The following SPATA9 variants were observed in gnomAD, a reference collection of about 807,000 sequenced individuals.
SPATA9 encodes the protein spermatogenesis-associated protein 9.
A neutral mutation model predicts 25.5 loss-of-function variants in SPATA9; 27 were observed. That is an observed-to-expected ratio of 1.06 (90% CI 0.78 to 1.46). The LOEUF (loss-of-function observed/expected upper bound fraction) is 1.46, where lower values mean the gene tolerates loss of function less well. SPATA9 is among the 40% of genes most tolerant of loss of function. SPATA9 has a pLI of 0.00. For synonymous variants in SPATA9, 102 were observed against 105.7 expected (o/e 0.97, Z 0.21); for missense variants, 282 against 297.5 (o/e 0.95, Z 0.38).
chr5:95,722,521 C>T, the SPATA9 span, among the ~76,000 whole-genome samples: 8 of 151,842 alleles, frequency 5.3e-5, no homozygotes, highest in African/African-American at 1.5e-4. Context: ...GATGGAGTCT[C>T]GCTCTGTCAC....
chr5:95,676,011 C>T (rs562939673), intron 2 of SPATA9, among the ~76,000 whole-genome samples: 26 of 151,892 alleles, frequency 1.7e-4, no homozygotes, highest in African/African-American at 6.0e-4. Context: ...TAGTATAGAC[C>T]GAGTTTCACC....
chr5:95,731,952 C>A, the SPATA9 span: 2 of 1,614,146 alleles, frequency 1.2e-6, no homozygotes, highest in African/African-American at 1.3e-5. Flanking sequence ...TGGGGAGAAG[C>A]CCTCTGGTCT....
chr5:95,703,950 A>G, the SPATA9 span, among the ~76,000 whole-genome samples: 1 of 152,132 alleles, frequency 6.6e-6, no homozygotes, highest in African/African-American at 2.4e-5. Flanking sequence ...TTATACCACA[A>G]TCATCCCCTT....
chr5:95,695,469 G>A (rs6879292), intron 1 of SPATA9, among the ~76,000 whole-genome samples: 7 of 151,960 alleles, frequency 4.6e-5, no homozygotes, highest in Non-Finnish European at 8.8e-5. Flanking sequence ...GTGGTGGCAC[G>A]CACCTGCACT....
chr5:95,700,995 A>G (rs1754169490), upstream of SPATA9, among the ~76,000 whole-genome samples: 1 of 152,218 alleles, frequency 6.6e-6, no homozygotes, highest in South Asian at 2.1e-4. Flanking sequence ...TTTGTAGTTT[A>G]CTGATACTCC....
upstream of SPATA9, among the ~76,000 whole-genome samples, chr5:95,686,518 T>A (rs916047331): frequency 6.6e-6 from 1 of 152,170 alleles, no homozygotes; most frequent in Non-Finnish European, 1.5e-5. Flanking sequence ...GTTTATGACA[T>A]GAATTGAAAG....
At chr5:95,700,303 AT>A (rs1020274200), upstream of SPATA9, among the ~76,000 whole-genome samples, 22 of 148,284 alleles carry the variant, frequency 1.5e-4, no homozygotes, top group East Asian at 3.9e-4. Context: ...TTTAAAAAAA[AT>A]TTTTTTTTTT....
Position 95,682,534 on chromosome 5 carries a change from A to C in SPATA9, c.144T>G (p.Ser48=), listed in dbSNP as rs747997903. 1 of 1,599,674 alleles carries C rather than the reference A, an allele frequency of 6.3e-7. No individual in the cohort carries two copies. The highest frequency in any genetic ancestry group is 8.6e-7 in the Non-Finnish European group (1 of 1,168,032). The change falls in exon 2 of 5, where the codon TCT becomes TCG. Residue 48 remains serine, a synonymous_variant. Transcript: ENST00000274432. Reference sequence around the variant, plus strand: ...GGTTATAAAATCACATTACCTGATTAGACTGTGATAATCTTAGGATGGTGG... The same window carrying C: ...GGTTATAAAATCACATTACCTGATTCGACTGTGATAATCTTAGGATGGTGG... ...EFPTILRLSQ[S]NQKREPAQKT... is the part of the protein sequence containing the mutation.
At chr5:95,692,135 T>G (rs1753910679) in intron 1 of SPATA9, among the ~76,000 whole-genome samples, 1 of 152,104 alleles carries the variant, frequency 6.6e-6, no homozygotes, top group African/African-American at 2.4e-5. Context: ...GGCTTTTTTT[T>G]GTACTTAACA....
intron 4 of SPATA9, among the ~76,000 whole-genome samples, chr5:95,662,557 G>A (rs1751362425): frequency 6.6e-6 from 1 of 152,060 alleles, no homozygotes; most frequent in Admixed American, 6.5e-5. Context: ...ACACCACCAT[G>A]CCTGGCTAAG....
downstream of SPATA9, among the ~76,000 whole-genome samples, chr5:95,653,415 T>C (rs1270703677): frequency 6.6e-6 from 1 of 152,272 alleles, no homozygotes; most frequent in Non-Finnish European, 1.5e-5. Flanking sequence ...GAATGTTGTT[T>C]AGTGTTGAAT....
At chr5:95,708,356 G>A in the SPATA9 span, among the ~76,000 whole-genome samples, 1 of 152,068 alleles carries the variant, frequency 6.6e-6, no homozygotes, top group Non-Finnish European at 1.5e-5. Context: ...TAAATCCTGG[G>A]ATATGAAATC....
intron 4 of SPATA9, among the ~76,000 whole-genome samples, chr5:95,660,018 T>A (rs1181406790): frequency 6.6e-6 from 1 of 152,102 alleles, no homozygotes; most frequent in African/African-American, 2.4e-5. Context: ...AAAAAGTTTT[T>A]AGAAGAAAAA....
intron 1 of SPATA9, among the ~76,000 whole-genome samples, chr5:95,695,293 T>G (rs1389580404): frequency 6.6e-6 from 1 of 152,178 alleles, no homozygotes; most frequent in African/African-American, 2.4e-5. Flanking sequence ...GTTCTCAAAC[T>G]TTTTAGTCTT....
At chr5:95,661,719 GAATT>G (rs763013801) in intron 4 of SPATA9, among the ~76,000 whole-genome samples, 2 of 152,108 alleles carry the variant, frequency 1.3e-5, no homozygotes, top group East Asian at 1.9e-4. Context: ...TTAAAAAACT[GAATT>G]AATATGTTTA....
In SPATA9 at chr5:95,665,859, C is replaced by T. The variant is rs545439535; in HGVS notation, c.379-1811G>A. On this transcript the variant is annotated intron_variant, in intron 3 of 4. Transcript: ENST00000274432. Reference sequence around the variant, plus strand: ...TGGCGCATGCCTGTAATCCCAGCTACTTGGGAGGCTGAGGCAGGACAATCG... The same window carrying T: ...TGGCGCATGCCTGTAATCCCAGCTATTTGGGAGGCTGAGGCAGGACAATCG... 2.8e-3 allele frequency among the ~76,000 whole-genome samples: 431 copies of T among 152,268 alleles called. 1 individual carries two copies. Among genetic ancestry groups the T allele is most frequent in the Non-Finnish European group, 4.8e-3 (328 of 68,022 alleles).
At chr5:95,691,124 G>A (rs1441524965) in intron 1 of SPATA9, among the ~76,000 whole-genome samples, 1 of 151,822 alleles carries the variant, frequency 6.6e-6, no homozygotes. Context: ...GCTGAGGCAG[G>A]AGAACGGCGT....
chr5:95,714,617 T>C, the SPATA9 span, among the ~76,000 whole-genome samples: 1 of 151,980 alleles, frequency 6.6e-6, no homozygotes, highest in Non-Finnish European at 1.5e-5. Flanking sequence ...TTGTAGTGAG[T>C]TGAGAAATGA....
downstream of SPATA9, among the ~76,000 whole-genome samples, chr5:95,653,752 G>C (rs543553495): frequency 8.5e-4 from 130 of 152,184 alleles, no homozygotes; most frequent in African/African-American, 2.9e-3. Context: ...ACAAAAATTA[G>C]CCAGGTGTGG....
Sources: gnomAD v4.1 joint callset for allele counts (sites outside exome capture counted in the v4.1 genomes callset) on GRCh38, gnomAD v4.1.1 for gene constraint, MANE v1.5 for transcripts, NCBI Gene and HGNC (gene_info 2026-07-23, HGNC 2026-07-21) for gene names.